The following STK24 variants were observed in gnomAD, a reference collection of about 807,000 sequenced individuals.
STK24 encodes the protein serine/threonine kinase 24.
In STK24, 21 loss-of-function variants were observed where a neutral mutation model predicts 55.6. That is an observed-to-expected ratio of 0.38 (90% CI 0.27 to 0.54). STK24 has a LOEUF of 0.54. Ranked by LOEUF, STK24 falls within the 20% of genes least tolerant of loss-of-function variation. STK24 has a pLI of 0.79. For missense variants in STK24, 383 were observed against 538.4 expected (o/e 0.71, Z 2.86); for synonymous variants, 200 against 215.2 (o/e 0.93, Z 0.62).
intron 2 of STK24, among the ~76,000 whole-genome samples, chr13:98,487,741 C>T (rs958795789): frequency 1.3e-5 from 2 of 152,102 alleles, no homozygotes; most frequent in Non-Finnish European, 2.9e-5. Context: ...ATTGAGCTCA[C>T]ATTGTTTCCA....
chr13:98,484,158 C>T (rs1894716723), intron 2 of STK24, among the ~76,000 whole-genome samples: 1 of 152,216 alleles, frequency 6.6e-6, no homozygotes, highest in African/African-American at 2.4e-5. Context: ...TCAAGAGTGT[C>T]CTTCAGCACA....
intron 2 of STK24, among the ~76,000 whole-genome samples, chr13:98,497,150 C>T (rs566265748): frequency 5.3e-5 from 8 of 152,242 alleles, no homozygotes; most frequent in South Asian, 4.1e-4. Context: ...CCTCCCTGCC[C>T]GCGGCACAGT....
At chr13:98,530,510 C>T (rs764530716) in intron 1 of STK24, among the ~76,000 whole-genome samples, 1 of 152,122 alleles carries the variant, frequency 6.6e-6, no homozygotes, top group Non-Finnish European at 1.5e-5. Flanking sequence ...CATTTTCTGA[C>T]GATTATGTGA....
Position 98,446,508 on chromosome 13 carries a change from C to G in STK24, c.*6665G>C. On this transcript the variant is annotated 3_prime_UTR_variant, in exon 11 of 11. Transcript: ENST00000539966. ...GCGGGACTTGCCACCCGGGCCATCA[C>G]GTACAGGCAAACACTGGCTGCCATG... 2.8e-6 allele frequency: 2 copies of G among 724,618 alleles called. No homozygotes were observed. Among genetic ancestry groups the G allele is most frequent in the South Asian group, 1.8e-5 (1 of 56,228 alleles). The allele number at this position is 724,618 out of a possible 1,614,324, so 44.9% of individuals were successfully genotyped here.
chr13:98,492,937 T>C (rs546898631), intron 2 of STK24, among the ~76,000 whole-genome samples: 1 of 152,366 alleles, frequency 6.6e-6, no homozygotes, highest in Non-Finnish European at 1.5e-5. Context: ...ATTCACAGAC[T>C]ATTAATTTCT....
intron 5 of STK24, among the ~76,000 whole-genome samples, chr13:98,470,117 G>C (rs933830173): frequency 6.6e-6 from 1 of 152,176 alleles, no homozygotes; most frequent in Non-Finnish European, 1.5e-5. Context: ...GTCTATTACT[G>C]CTTCTAGGAA....
intron 1 of STK24, among the ~76,000 whole-genome samples, chr13:98,552,528 A>G (rs1256761165): frequency 6.6e-6 from 1 of 152,172 alleles, no homozygotes; most frequent in African/African-American, 2.4e-5. Flanking sequence ...CTCCTTAGAG[A>G]AGGACATGCA....
At chr13:98,474,770 G>T (rs768624879) in intron 5 of STK24, 51 bp downstream of exon 5, 2 of 1,540,558 alleles carry the variant, frequency 1.3e-6, no homozygotes, top group Non-Finnish European at 1.7e-6. Context: ...ACAAAAGGCG[G>T]GAGCCCTCCA....
At chr13:98,515,101 GAA>G (rs5806066) in intron 2 of STK24, among the ~76,000 whole-genome samples, 2,780 of 128,422 alleles carry the variant, frequency 0.022, 75 homozygotes, top group African/African-American at 0.067. Flanking sequence ...CAAACCCCCT[GAA>G]AAAAAAAAAA....
chr13:98,550,652 T>G lies in STK24; in HGVS notation c.42+26093A>C, dbSNP rs192645227. 3.8e-3 allele frequency among the ~76,000 whole-genome samples: 572 copies of G among 152,224 alleles called. 8 individuals are homozygous for G. The highest frequency in any genetic ancestry group is 0.013 in the African/African-American group (524 of 41,546). On this transcript the variant is annotated intron_variant, in intron 1 of 10. Transcript: ENST00000539966. ...TCCTTTCTAATACTTATACTGGTGGTCCCATGAAAGCTCAGGGACACAGCA... is the reference window on the plus strand; with the variant it reads ...TCCTTTCTAATACTTATACTGGTGGGCCCATGAAAGCTCAGGGACACAGCA...
chr13:98,570,952 C>T (rs897855953), intron 1 of STK24, among the ~76,000 whole-genome samples: 2 of 152,104 alleles, frequency 1.3e-5, no homozygotes, highest in African/African-American at 4.8e-5. Flanking sequence ...CTCACACCAC[C>T]CACAAGATTC....
chr13:98,503,711 T>C (rs570010081), intron 2 of STK24, among the ~76,000 whole-genome samples: 1 of 152,352 alleles, frequency 6.6e-6, no homozygotes, highest in South Asian at 2.1e-4. Flanking sequence ...GCTTAAAATA[T>C]CCTTAGAAGT....
Position 98,475,243 on chromosome 13 carries a change from C to T in STK24, c.439+7G>A, listed in dbSNP as rs1189379721. The T allele has an allele frequency of 6.2e-7, 1 of 1,600,076 alleles. No individual in the cohort carries two copies. Among genetic ancestry groups the T allele is most frequent in the African/African-American group, 1.3e-5 (1 of 74,438 alleles). ...TTTCAAAGGAATGAAAACGGATGTCCTCTTACCTTTAATGTCTCTGTGGAT... is the reference window on the plus strand; with the variant it reads ...TTTCAAAGGAATGAAAACGGATGTCTTCTTACCTTTAATGTCTCTGTGGAT... On this transcript the variant is annotated splice_region_variant and intron_variant, in intron 4 of 10. Coordinates refer to ENST00000539966, the MANE Select transcript of STK24 (RefSeq NM_001032296.4).
rs1326192526 is a variant in STK24, at chr13:98,445,972, G to A, written c.*7201C>T. On this transcript the variant is annotated 3_prime_UTR_variant, in exon 11 of 11. Transcript: ENST00000539966. ...TCTCCCCACACACGGGGGAGCGGGG[G>A]TGGGGCCCACATCCTTCAGTCACGG... 1 of 636,290 alleles carries A rather than the reference G, an allele frequency of 1.6e-6. No homozygotes were observed. Among genetic ancestry groups the A allele is most frequent in the Admixed American group, 2.8e-5 (1 of 35,416 alleles). 39.4% of individuals were successfully genotyped at this position (636,290 alleles called of 1,614,324 possible).
At chr13:98,468,903 T>C (rs1208617521) in intron 5 of STK24, among the ~76,000 whole-genome samples, 1 of 152,208 alleles carries the variant, frequency 6.6e-6, no homozygotes, top group African/African-American at 2.4e-5. Context: ...GTCACCCTAT[T>C]GTGCTACTGA....
Position 98,466,517 on chromosome 13 carries a change from T to C in STK24, c.642A>G (p.Arg214=). Reference sequence around the variant, plus strand: ...GCAGCTCGGAATGAGGTGGTTCCCCTCTTGCAAGTTCAATAGCTGTTATGC... The same window carrying C: ...GCAGCTCGGAATGAGGTGGTTCCCCCCTTGCAAGTTCAATAGCTGTTATGC... The part of the protein sequence containing the change: ...SLGITAIELA[R]GEPPHSELHP... The change falls in exon 6 of 11, where the codon AGA becomes AGG. Residue 214 remains arginine (R), a synonymous_variant. Transcript: ENST00000539966. The C allele has an allele frequency of 6.2e-7, 1 of 1,614,108 alleles. No homozygotes were observed. Among genetic ancestry groups the C allele is most frequent in the South Asian group, 1.1e-5 (1 of 91,084 alleles).
At chr13:98,545,331 C>T (rs1481078426) in intron 1 of STK24, among the ~76,000 whole-genome samples, 1 of 152,204 alleles carries the variant, frequency 6.6e-6, no homozygotes, top group Non-Finnish European at 1.5e-5. Flanking sequence ...CAATTTTTAA[C>T]GTACACACGT....
chr13:98,489,195 T>A (rs1377547005), intron 2 of STK24, among the ~76,000 whole-genome samples: 1 of 152,186 alleles, frequency 6.6e-6, no homozygotes. Context: ...TCAGAGGGGC[T>A]TCGATGATGA....
intron 2 of STK24, among the ~76,000 whole-genome samples, chr13:98,486,340 C>T (rs186164723): frequency 1.3e-5 from 2 of 152,304 alleles, no homozygotes; most frequent in East Asian, 3.9e-4. Flanking sequence ...AGACAGTCAA[C>T]ATGGGCGCCA....
Sources: gnomAD v4.1 joint callset for allele counts (sites outside exome capture counted in the v4.1 genomes callset) on GRCh38, gnomAD v4.1.1 for gene constraint, MANE v1.5 for transcripts, NCBI Gene and HGNC (gene_info 2026-07-23, HGNC 2026-07-21) for gene names.